Variants in HPSE2 observed in about 807,000 individuals in gnomAD.
The protein encoded by HPSE2 is heparanase 2 (inactive), also known as inactive heparanase-2.
HPSE2 carries 38 observed loss-of-function variants against 60.5 expected under a neutral mutation model. The observed-to-expected ratio is 0.63, with a 90% CI of 0.48 to 0.82. The LOEUF (loss-of-function observed/expected upper bound fraction) is 0.82, where lower values mean the gene tolerates loss of function less well. HPSE2 is among the 40% of genes least tolerant of loss of function. The pLI, the probability that HPSE2 is intolerant of heterozygous loss-of-function variation, is 0.00. For synonymous variants in HPSE2, 295 were observed against 293.2 expected (o/e 1.01, Z -0.06); for missense variants, 713 against 740.4 (o/e 0.96, Z 0.43).
At chr10:99,118,409 G>C (rs1220221733) in intron 3 of HPSE2, among the ~76,000 whole-genome samples, 2 of 151,338 alleles carry the variant, frequency 1.3e-5, no homozygotes, top group African/African-American at 2.4e-5. Context: ...TGTAGTCCCA[G>C]CTACTCAGGA....
At chr10:99,056,752 CAGAG>C (rs1040450352) in intron 3 of HPSE2, among the ~76,000 whole-genome samples, 30 of 152,180 alleles carry the variant, frequency 2.0e-4, no homozygotes, top group African/African-American at 7.0e-4. Context: ...AAATGGGACA[CAGAG>C]AGCATTAACC....
chr10:98,739,757 GT>G (rs1949449701), intron 4 of HPSE2, among the ~76,000 whole-genome samples: 1 of 152,178 alleles, frequency 6.6e-6, no homozygotes, highest in African/African-American at 2.4e-5. Context: ...ATTAATTATA[GT>G]AGCTTTTACT....
At chr10:98,898,046 G>A (rs933376785) in intron 3 of HPSE2, among the ~76,000 whole-genome samples, 4 of 151,984 alleles carry the variant, frequency 2.6e-5, no homozygotes, top group African/African-American at 7.2e-5. Context: ...GATATGAACA[G>A]ACACCGTATC....
intron 9 of HPSE2, among the ~76,000 whole-genome samples, chr10:98,585,193 C>T (rs1218840257): frequency 6.6e-6 from 1 of 151,842 alleles, no homozygotes; most frequent in Admixed American, 6.6e-5. Flanking sequence ...TTAGATGCTA[C>T]ATGAAAAGTT....
chr10:99,008,465 G>C (rs1233928828), intron 3 of HPSE2, among the ~76,000 whole-genome samples: 1 of 152,204 alleles, frequency 6.6e-6, no homozygotes, highest in African/African-American at 2.4e-5. Flanking sequence ...TTAGCTTGTA[G>C]GCTTGTTTCT....
In HPSE2 at chr10:99,209,190, A is replaced by G. The variant is rs549354757; in HGVS notation, c.448+23158T>C. The stretch of plus-strand genomic sequence containing the variant: ...TCCATCCAACAGCAGCAAAACATAC[A>G]TTCTTCTTGAGCACATACAGAAAAT... On this transcript the variant is annotated intron_variant, in intron 2 of 11. Transcript: ENST00000370552. Among the ~76,000 whole-genome samples the G allele has an allele frequency of 3.9e-5, 6 of 152,352 alleles. No individual in the cohort carries two copies. In the South Asian group the frequency reaches 1.2e-3, roughly 32 times the overall value.
At chr10:98,983,406 T>C (rs1478614477) in intron 3 of HPSE2, among the ~76,000 whole-genome samples, 1 of 152,206 alleles carries the variant, frequency 6.6e-6, no homozygotes, top group Non-Finnish European at 1.5e-5. Context: ...TTCACAAAGA[T>C]ACGATGTTGG....
intron 2 of HPSE2, among the ~76,000 whole-genome samples, chr10:99,231,497 TAG>T (rs1482897871): frequency 1.3e-5 from 2 of 152,228 alleles, no homozygotes; most frequent in African/African-American, 4.8e-5. Context: ...AGGAAGTTCA[TAG>T]ATGTTAACAC....
At chr10:98,634,118 A>G (rs1279266741) in intron 7 of HPSE2, among the ~76,000 whole-genome samples, 1 of 152,162 alleles carries the variant, frequency 6.6e-6, no homozygotes, top group Non-Finnish European at 1.5e-5. Context: ...CACTACCACA[A>G]AGTTAGCAGC....
chr10:98,888,885 T>C (rs7908265), intron 3 of HPSE2, among the ~76,000 whole-genome samples: 1 of 152,094 alleles, frequency 6.6e-6, no homozygotes, highest in Non-Finnish European at 1.5e-5. Flanking sequence ...AATTTAGTCC[T>C]ACATTCTCAT....
chr10:99,205,285 A>G (rs1848707994), intron 2 of HPSE2, among the ~76,000 whole-genome samples: 1 of 152,114 alleles, frequency 6.6e-6, no homozygotes, highest in Non-Finnish European at 1.5e-5. Flanking sequence ...TGGTCTGAGT[A>G]ATGTTTAAGA....
At chr10:98,688,821 A>T (rs187699470) in intron 6 of HPSE2, among the ~76,000 whole-genome samples, 6 of 150,904 alleles carry the variant, frequency 4.0e-5, no homozygotes, top group East Asian at 1.9e-4. Flanking sequence ...TTTCATTGAT[A>T]AAAAAAAGTC....
At chr10:98,497,803 A>T (rs1941898240) in intron 9 of HPSE2, among the ~76,000 whole-genome samples, 1 of 152,112 alleles carries the variant, frequency 6.6e-6, no homozygotes. Flanking sequence ...GCAGAATGAG[A>T]TCATTTTCTT....
intron 2 of HPSE2, among the ~76,000 whole-genome samples, chr10:99,151,614 A>G (rs1846266579): frequency 6.6e-6 from 1 of 152,216 alleles, no homozygotes; most frequent in Non-Finnish European, 1.5e-5. Context: ...CACGGAGGAA[A>G]AAAACTAATC....
chr10:99,304,225 C>T, the HPSE2 span, among the ~76,000 whole-genome samples: 1 of 152,240 alleles, frequency 6.6e-6, no homozygotes, highest in Non-Finnish European at 1.5e-5. Flanking sequence ...TGCCTACCAG[C>T]CTGCCATGGC....
At chr10:98,621,867 T>C (rs1019851070) in intron 7 of HPSE2, among the ~76,000 whole-genome samples, 22 of 152,254 alleles carry the variant, frequency 1.4e-4, no homozygotes, top group Admixed American at 1.4e-3. Context: ...GGCTGCAGCC[T>C]GCATGCTGGC....
At chr10:99,040,075 T>C (rs2487891) in intron 3 of HPSE2, among the ~76,000 whole-genome samples, 99,533 of 151,620 alleles carry the variant, frequency 0.66, 35,547 homozygotes, top group Non-Finnish European at 0.78. Context: ...CACATATTTG[T>C]ATACATAGAC....
intron 6 of HPSE2, among the ~76,000 whole-genome samples, chr10:98,647,359 GA>G (rs970365412): frequency 5.1e-4 from 77 of 152,308 alleles, no homozygotes; most frequent in African/African-American, 1.7e-3. Context: ...ACTTTAAAAA[GA>G]AAAACCTTTG....
chr10:98,706,937 G>A lies in HPSE2; in HGVS notation c.957-12990C>T, dbSNP rs187144440. On this transcript the variant is annotated intron_variant, in intron 5 of 11. Coordinates refer to ENST00000370552, the MANE Select transcript of HPSE2 (RefSeq NM_021828.5). ...AAAATATAGCCAGCTCGTCTTCCAC[G>A]TATGTTTGTTGAATTTATTCCATCT... 3.0e-3 allele frequency among the ~76,000 whole-genome samples: 452 copies of A among 152,236 alleles called. 5 individuals carry two copies. Among genetic ancestry groups the A allele is most frequent in the Non-Finnish European group, 5.1e-3 (344 of 68,008 alleles).
Sources: gnomAD v4.1 joint callset for allele counts (sites outside exome capture counted in the v4.1 genomes callset) on GRCh38, gnomAD v4.1.1 for gene constraint, MANE v1.5 for transcripts, NCBI Gene and HGNC (gene_info 2026-07-23, HGNC 2026-07-21) for gene names.